Variants in BRINP2 observed in about 807,000 individuals in gnomAD.
The protein encoded by BRINP2 is BMP/retinoic acid-inducible neural-specific protein 2.
A neutral mutation model predicts 69.2 loss-of-function variants in BRINP2; 21 were observed. The observed-to-expected ratio is 0.30, with a 90% CI of 0.22 to 0.44. The LOEUF (loss-of-function observed/expected upper bound fraction) is 0.44, where lower values mean the gene tolerates loss of function less well. Ranked by LOEUF, BRINP2 falls within the 20% of genes least tolerant of loss-of-function variation. The pLI is 1.00. For missense variants in BRINP2, 877 were observed against 986.0 expected, an observed-to-expected ratio of 0.89 and a Z score of 1.48; for synonymous variants, 380 against 394.1, an observed-to-expected ratio of 0.96 and a Z score of 0.42.
In BRINP2 at chr1:177,273,482, C is replaced by T. The variant is rs1176337480; in HGVS notation, c.670-6C>T. Reference sequence around the variant, plus strand: ...TAAACCCACTCCCTACTCCTTCCTTCTCTAGGTCACCGAGACCAGGACCGG... The same window carrying T: ...TAAACCCACTCCCTACTCCTTCCTTTTCTAGGTCACCGAGACCAGGACCGG... On this transcript the variant is annotated splice_polypyrimidine_tract_variant and splice_region_variant and intron_variant, in intron 4 of 7. Coordinates refer to ENST00000361539, the MANE Select transcript of BRINP2 (RefSeq NM_021165.4). The T allele has an allele frequency of 6.2e-7, 1 of 1,602,514 alleles. No individual in the cohort carries two copies. Among genetic ancestry groups the T allele is most frequent in the African/African-American group, 1.3e-5 (1 of 74,164 alleles).
At chr1:177,270,478 T>C (rs1190400831) in intron 4 of BRINP2, among the ~76,000 whole-genome samples, 1 of 146,044 alleles carries the variant, frequency 6.8e-6, no homozygotes, top group African/African-American at 2.6e-5. Flanking sequence ...TAGCCCAGCA[T>C]GATGAACAAG....
intron 1 of BRINP2, among the ~76,000 whole-genome samples, chr1:177,200,698 C>T (rs1259289076): frequency 6.6e-6 from 1 of 152,134 alleles, no homozygotes; most frequent in Non-Finnish European, 1.5e-5. Context: ...TCTCTCCTTG[C>T]CCTGCTTTCT....
At chr1:177,213,472 A>T (rs1045984846) in intron 1 of BRINP2, among the ~76,000 whole-genome samples, 1 of 152,176 alleles carries the variant, frequency 6.6e-6, no homozygotes, top group Non-Finnish European at 1.5e-5. Flanking sequence ...GTCTTAAGTA[A>T]ATTTTCTATT....
At chr1:177,208,091 A>AC (rs1406243258) in intron 1 of BRINP2, among the ~76,000 whole-genome samples, 1 of 152,170 alleles carries the variant, frequency 6.6e-6, no homozygotes, top group Non-Finnish European at 1.5e-5. Context: ...TTAGCTCCTA[A>AC]TTTCCTCATC....
In BRINP2 at chr1:177,281,116, G is replaced by A. The variant is rs1266621387; in HGVS notation, c.1940G>A (p.Arg647Gln). 9 of 1,614,054 alleles carry A rather than the reference G, an allele frequency of 5.6e-6. No homozygotes were observed. Among genetic ancestry groups the A allele is most frequent in the Admixed American group, 1.7e-5 (1 of 60,002 alleles). Reference sequence around the variant, plus strand: ...TTTGAGACAGTTCATGTTTACCTACGGAGCCGAATCAAGTCCCTGGATGAC... The same window carrying A: ...TTTGAGACAGTTCATGTTTACCTACAGAGCCGAATCAAGTCCCTGGATGAC... ...TFFETVHVYL[R>Q]SRIKSLDDSS... The change falls in exon 8 of 8, where the codon CGG becomes CAG. Residue 647 changes from arginine to glutamine, a missense_variant. Arg to Gln is a conservative substitution (Grantham distance 43, BLOSUM62 1). This residue lies in a region of BRINP2 where 225 missense variants were observed against 218.7 expected (regional missense o/e 1.03). Transcript: ENST00000361539.
intron 1 of BRINP2, among the ~76,000 whole-genome samples, chr1:177,194,215 C>G (rs951160134): frequency 6.6e-6 from 1 of 152,148 alleles, no homozygotes; most frequent in African/African-American, 2.4e-5. Context: ...TTTTTGTTTT[C>G]TGTTTTTCTC....
chr1:177,229,139 A>G (rs775708264), intron 1 of BRINP2, among the ~76,000 whole-genome samples: 2 of 152,212 alleles, frequency 1.3e-5, no homozygotes, highest in African/African-American at 2.4e-5. Context: ...TTCCAACTCC[A>G]TCCCACATGA....
At chr1:177,214,532 C>T (rs1445765939) in intron 1 of BRINP2, among the ~76,000 whole-genome samples, 1 of 152,116 alleles carries the variant, frequency 6.6e-6, no homozygotes. Context: ...CAAGTAAAAC[C>T]TTAACCCTTA....
chr1:177,178,644 C>G (rs1648156054), intron 1 of BRINP2, among the ~76,000 whole-genome samples: 1 of 152,108 alleles, frequency 6.6e-6, no homozygotes, highest in Non-Finnish European at 1.5e-5. Flanking sequence ...TGTTTTTGCT[C>G]TGTACTCACC....
intron 1 of BRINP2, among the ~76,000 whole-genome samples, chr1:177,228,804 T>C (rs2102324376): frequency 6.6e-6 from 1 of 152,328 alleles, no homozygotes; most frequent in East Asian, 1.9e-4. Context: ...GGTGACTCGC[T>C]GTTCTCAGAC....
intron 1 of BRINP2, among the ~76,000 whole-genome samples, chr1:177,183,182 T>C (rs1007374855): frequency 6.7e-6 from 1 of 148,924 alleles, no homozygotes; most frequent in African/African-American, 2.5e-5. Context: ...CTTCGTTTCT[T>C]TAGATGTATC....
chr1:177,253,394 C>A (rs1314736970), intron 2 of BRINP2, among the ~76,000 whole-genome samples: 1 of 151,858 alleles, frequency 6.6e-6, no homozygotes, highest in African/African-American at 2.4e-5. Flanking sequence ...AAAAAATGTT[C>A]TTTTGCTATT....
Position 177,230,009 on chromosome 1 carries a change from C to G in BRINP2, c.133C>G (p.Gln45Glu). ...SATAAAVVPEQHASVAGQHPL... is the reference protein window; with the variant it reads ...SATAAAVVPEEHASVAGQHPL... ...CACGGCGGCTGCTGTGGTCCCCGAG[C>G]AGCATGCCTCCGTAGCTGGCCAGCA... The change falls in exon 2 of 8, where the codon CAG becomes GAG. Residue 45 changes from glutamine to glutamate, a missense_variant. Around this residue, in one of 3 missense-constraint regions of BRINP2, gnomAD observed 566 missense variants for 625.2 expected, o/e 0.91. Coordinates refer to ENST00000361539, the MANE Select transcript of BRINP2 (RefSeq NM_021165.4). 6.2e-7 allele frequency: 1 copy of G among 1,613,632 alleles called. No individual in the cohort carries two copies.
At chr1:177,229,763 AG>A in intron 1 of BRINP2, 37 bp from the exon 2 acceptor site, 1 of 1,413,626 alleles carries the variant, frequency 7.1e-7, no homozygotes, top group South Asian at 1.5e-5. Flanking sequence ...ATGGGGTAAC[AG>A]GGTGCTCAAA....
intron 1 of BRINP2, among the ~76,000 whole-genome samples, chr1:177,198,528 T>A (rs1371393851): frequency 6.6e-5 from 10 of 152,194 alleles, no homozygotes; most frequent in Admixed American, 6.5e-4. Context: ...TAATGAATCA[T>A]GTGGGAGTTC....
chr1:177,199,188 A>G (rs1321843819), intron 1 of BRINP2, among the ~76,000 whole-genome samples: 1 of 152,212 alleles, frequency 6.6e-6, no homozygotes, highest in African/African-American at 2.4e-5. Context: ...TAAACCTTTA[A>G]ACTTGGCAGC....
At chr1:177,178,919 A>T (rs1648167456) in intron 1 of BRINP2, among the ~76,000 whole-genome samples, 1 of 152,200 alleles carries the variant, frequency 6.6e-6, no homozygotes, top group Admixed American at 6.5e-5. Context: ...ATAATAGCTA[A>T]CACCTTAATA....
At chr1:177,260,711 A>T (rs368987636) in intron 4 of BRINP2, among the ~76,000 whole-genome samples, 64 of 152,242 alleles carry the variant, frequency 4.2e-4, no homozygotes, top group African/African-American at 1.5e-3. Flanking sequence ...TCAGATGATC[A>T]TTAGCATTTT....
chr1:177,185,114 G>A (rs571919790), intron 1 of BRINP2, among the ~76,000 whole-genome samples: 10 of 151,960 alleles, frequency 6.6e-5, no homozygotes, highest in South Asian at 4.2e-4. Flanking sequence ...TATTAACGTC[G>A]CCTAAGTGGT....
Sources: gnomAD v4.1 joint callset for allele counts (sites outside exome capture counted in the v4.1 genomes callset) on GRCh38, gnomAD v4.1.1 for gene constraint, gnomAD v4.1.1 regional missense constraint, MANE v1.5 for transcripts, NCBI Gene and HGNC (gene_info 2026-07-23, HGNC 2026-07-21) for gene names.